The following ACAD9 variants were observed in gnomAD, a reference collection of about 807,000 sequenced individuals.
ACAD9 encodes the protein acyl-CoA dehydrogenase family member 9.
ACAD9 carries 53 observed loss-of-function variants against 70.2 expected under a neutral mutation model. The observed-to-expected ratio is 0.75, with a 90% CI of 0.61 to 0.95. The LOEUF is 0.95. Ranked by LOEUF, ACAD9 falls within the 40% of genes least tolerant of loss-of-function variation. The pLI, the probability that ACAD9 is intolerant of heterozygous loss-of-function variation, is 0.00. For missense variants in ACAD9, 777 were observed against 802.8 expected, an observed-to-expected ratio of 0.97 and a Z score of 0.39; for synonymous variants, 313 against 312.1, an observed-to-expected ratio of 1.00 and a Z score of -0.03.
rs1056245704 is a variant in ACAD9, at chr3:128,898,336, T to G, written c.633+626T>G. ...AGCATGCCTCTCTAAAAGACAGGAG[T>G]TTTTTTTGTTTGTTTTTGTTTTTTA... is the stretch of plus-strand genomic sequence containing the variant. On this transcript the variant is annotated intron_variant, in intron 6 of 17. Transcript: ENST00000308982. The G allele has an allele frequency of 7.8e-5, 33 of 421,264 alleles. 1 individual carries two copies. Among genetic ancestry groups the G allele is most frequent in the Admixed American group, 2.0e-4 (7 of 35,168 alleles). The allele number at this position is 421,264 out of a possible 1,614,324, so 26.1% of individuals were successfully genotyped here. A position where few individuals can be genotyped will look rare whatever the true frequency, so the allele number is the denominator to read the frequency against.
At chr3:128,899,602 G>A in intron 7 of ACAD9, 141 bp downstream of exon 7, 1 of 970,448 alleles carries the variant, frequency 1.0e-6, no homozygotes, top group East Asian at 2.7e-5. Context: ...CAAATAGCAA[G>A]ATAAAATGAG....
chr3:128,901,463 C>G, intron 8 of ACAD9, 114 bp downstream of exon 8: 1 of 1,195,348 alleles, frequency 8.4e-7, no homozygotes, highest in South Asian at 1.2e-5. Context: ...TGGCAGGTGA[C>G]TTTGCATGGT....
At position 128,909,400 on chromosome 3, in the gene ACAD9, A is replaced by G. The variant is rs1936039993; in HGVS notation, c.1542A>G (p.Thr514=). The change falls in exon 15 of 18, where the codon ACA becomes ACG. Residue 514 remains threonine (T), a synonymous_variant. Transcript: ENST00000308982. ...ACTGCTTCGGCCGGACCGTGGAGAC[A>G]CTGCTGCTCCGCTTTGGCAAGGTAA... The part of the protein sequence containing the change: ...NTYCFGRTVE[T]LLLRFGKTIM... 6.2e-7 allele frequency: 1 copy of G among 1,614,172 alleles called. No individual in the cohort carries two copies. The highest frequency in any genetic ancestry group is 8.5e-7 in the Non-Finnish European group (1 of 1,180,052).
chr3:128,911,606 A>G (rs1422786088), intron 17 of ACAD9, among the ~76,000 whole-genome samples: 1 of 151,364 alleles, frequency 6.6e-6, no homozygotes, highest in Non-Finnish European at 1.5e-5. Flanking sequence ...CCCAGCTAAT[A>G]TTTGTATTTT....
chr3:128,898,469 G>A (rs760624463), intron 6 of ACAD9: 9 of 440,710 alleles, frequency 2.0e-5, no homozygotes, highest in Non-Finnish European at 1.3e-5. Context: ...GCAGTGGCAC[G>A]ATCTTGGCTC....
chr3:128,879,779 C>T lies in ACAD9; in HGVS notation c.88C>T (p.Leu30=). Residue 30 remains leucine (L), a synonymous_variant, in exon 1 of 18, where the codon CTG becomes TTG. Transcript: ENST00000308982. The stretch of plus-strand genomic sequence containing the variant: ...GGTCTCTACCGCGAACCGGCGGCTA[C>T]TGCGCACCAGCCCGCCTGTACGAGC... The part of the protein sequence containing the change: ...LVVSTANRRL[L]RTSPPVRAFA... The T allele has an allele frequency of 3.7e-6, 6 of 1,613,784 alleles. No homozygotes were observed. The highest frequency in any genetic ancestry group is 5.1e-6 in the Non-Finnish European group (6 of 1,180,018).
chr3:128,901,175 G>A, intron 7 of ACAD9, 101 bp from the exon 8 acceptor site: 2 of 999,036 alleles, frequency 2.0e-6, no homozygotes, highest in East Asian at 5.0e-5. Context: ...CCAAACATTG[G>A]ATGGATGGAT....
intron 14 of ACAD9, 106 bp downstream of exon 14, chr3:128,909,205 G>A (rs937236408): frequency 1.8e-5 from 29 of 1,598,570 alleles, no homozygotes; most frequent in African/African-American, 2.7e-5. Context: ...TCCAGGGGAA[G>A]TTGGGGAACA....
intron 7 of ACAD9, among the ~76,000 whole-genome samples, chr3:128,900,647 G>A (rs1935711436): frequency 6.6e-6 from 1 of 151,960 alleles, no homozygotes; most frequent in Non-Finnish European, 1.5e-5. Context: ...ATAGGCATGA[G>A]CCACCATACC....
intron 13 of ACAD9, chr3:128,908,714 G>A (rs751677754): frequency 5.2e-6 from 3 of 575,538 alleles, no homozygotes; most frequent in Admixed American, 3.0e-5. Flanking sequence ...GTAGCATTTT[G>A]TCTCCTTCAC....
At position 128,879,698 on chromosome 3, in the gene ACAD9, G is replaced by C; in HGVS notation, c.7G>C (p.Gly3Arg). ...CTGGGGAACATCGGGCAGCATGAGCGGCTGCGGGCTCTTCCTGCGCACCAC... is the reference window on the plus strand; with the variant it reads ...CTGGGGAACATCGGGCAGCATGAGCCGCTGCGGGCTCTTCCTGCGCACCAC... MS[G>R]CGLFLRTTAA... The change falls in exon 1 of 18, where the codon GGC becomes CGC. Residue 3 changes from glycine to arginine, a missense_variant. Coordinates refer to ENST00000308982, the MANE Select transcript of ACAD9 (RefSeq NM_014049.5). 7 of 1,612,468 alleles carry C rather than the reference G, an allele frequency of 4.3e-6. No homozygotes were observed. The highest frequency in any genetic ancestry group is 5.1e-6 in the Non-Finnish European group (6 of 1,179,888).
intron 9 of ACAD9, among the ~76,000 whole-genome samples, chr3:128,903,017 C>G (rs779759690): frequency 1.3e-5 from 2 of 152,098 alleles, no homozygotes; most frequent in African/African-American, 2.4e-5. Flanking sequence ...TCCCAAGGTC[C>G]GTGCCTCCTG....
chr3:128,910,833 G>C lies in ACAD9; in HGVS notation c.1765+20G>C. The C allele has an allele frequency of 1.2e-6, 2 of 1,613,818 alleles. No homozygotes were observed. Among genetic ancestry groups the C allele is most frequent in the Non-Finnish European group, 8.5e-7 (1 of 1,179,728 alleles). The stretch of plus-strand genomic sequence containing the variant: ...ACAAGTGTGAGTGGCATGTCTTGGG[G>C]GAGGGAAGGAAGGGCCCACTTCTAG... On this transcript the variant is annotated intron_variant, in intron 17 of 17. Transcript: ENST00000308982.
chr3:128,899,170 A>T lies in ACAD9; in HGVS notation c.634-117A>T, dbSNP rs557114423. On this transcript the variant is annotated intron_variant, in intron 6 of 17. Coordinates refer to ENST00000308982, the MANE Select transcript of ACAD9 (RefSeq NM_014049.5). ...TTGGTTGGCTTCTGCAGAGCCAAGG[A>T]CCCTGCATGTCTGGCCTGAGGTCTG... The T allele has an allele frequency of 1.1e-5, 12 of 1,048,752 alleles. 1 individual carries two copies. The South Asian group carries it at 1.2e-4, about 11-fold the overall frequency. The allele number at this position is 1,048,752 out of a possible 1,614,324, so 65.0% of individuals were successfully genotyped here. A position where few individuals can be genotyped will look rare whatever the true frequency, so the allele number is the denominator to read the frequency against.
At position 128,909,342 on chromosome 3, in the gene ACAD9, A is replaced by G; in HGVS notation, c.1486-2A>G. 6.2e-7 allele frequency: 1 copy of G among 1,614,194 alleles called. No homozygotes were observed. The highest frequency in any genetic ancestry group is 8.5e-7 in the Non-Finnish European group (1 of 1,180,020). ...TGAACTGAGTCCTGTCTTGGTTAAT[A>G]GGACAGTGCCAACAAGTTTGAGGAG... On this transcript the variant is annotated splice_acceptor_variant, in intron 14 of 17. Transcript: ENST00000308982. LOFTEE classifies it high-confidence loss of function.
chr3:128,897,004 G>A (rs1299489964), intron 5 of ACAD9, among the ~76,000 whole-genome samples: 1 of 152,110 alleles, frequency 6.6e-6, no homozygotes, highest in Non-Finnish European at 1.5e-5. Context: ...ATGAGAACCT[G>A]GGAACAGTCA....
chr3:128,897,840 A>C, intron 6 of ACAD9, 130 bp downstream of exon 6: 1 of 870,588 alleles, frequency 1.1e-6, no homozygotes, highest in Non-Finnish European at 1.9e-6. Flanking sequence ...AGCTGCTTTT[A>C]TGTGTTTGTT....
chr3:128,882,861 C>A (rs1935132431), intron 1 of ACAD9, among the ~76,000 whole-genome samples: 1 of 152,206 alleles, frequency 6.6e-6, no homozygotes, highest in Non-Finnish European at 1.5e-5. Context: ...TTCTCCCACG[C>A]CCCTGCAATC....
chr3:128,879,852 C>T lies in ACAD9; in HGVS notation c.150+11C>T. 6.2e-7 allele frequency: 1 copy of T among 1,613,972 alleles called. No homozygotes were observed. The highest frequency in any genetic ancestry group is 1.1e-5 in the South Asian group (1 of 91,086). ...GGCAAAATCAAGAAGGTAACGCGAG[C>T]CCTGGGCGAACCCTTGCTGTCTGGC... On this transcript the variant is annotated intron_variant, in intron 1 of 17. Transcript: ENST00000308982.
Sources: allele counts gnomAD v4.1 joint callset (sites outside exome capture counted in the v4.1 genomes callset), GRCh38; gene constraint gnomAD v4.1.1; transcripts MANE v1.5; gene names NCBI Gene and HGNC (gene_info 2026-07-23, HGNC 2026-07-21).